The following RIPOR2 variants were observed in gnomAD, a reference collection of about 807,000 sequenced individuals.
The protein encoded by RIPOR2 is rho family-interacting cell polarization regulator 2.
In RIPOR2, 39 loss-of-function variants were observed where a neutral mutation model predicts 114.5. That is an observed-to-expected ratio of 0.34 (90% confidence interval 0.26 to 0.44). The LOEUF (loss-of-function observed/expected upper bound fraction) is 0.44, where lower values mean the gene tolerates loss of function less well. Among genes scored for constraint, RIPOR2 ranks in the 20% least tolerant of loss-of-function variants. The pLI is 1.00. For synonymous variants in RIPOR2, 445 were observed against 484.4 expected (o/e 0.92, Z 1.07); for missense variants, 1,007 against 1,255.1 (o/e 0.80, Z 2.99).
At chr6:24,998,112 A>G (rs1334732589) in intron 1 of RIPOR2, among the ~76,000 whole-genome samples, 1 of 152,156 alleles carries the variant, frequency 6.6e-6, no homozygotes, top group African/African-American at 2.4e-5. Context: ...GATGTAAATT[A>G]GCCCACACTC....
chr6:24,925,723 C>A (rs1770820261), intron 1 of RIPOR2, among the ~76,000 whole-genome samples: 4 of 151,826 alleles, frequency 2.6e-5, no homozygotes, highest in African/African-American at 9.7e-5. Flanking sequence ...AAATTTGGTT[C>A]ATCCATTCTT....
At chr6:24,894,347 T>A (rs1184115301) in intron 1 of RIPOR2, among the ~76,000 whole-genome samples, 1 of 152,196 alleles carries the variant, frequency 6.6e-6, no homozygotes, top group Non-Finnish European at 1.5e-5. Flanking sequence ...GGGAAATTCA[T>A]CTGTATTCTG....
intron 18 of RIPOR2, among the ~76,000 whole-genome samples, chr6:24,827,236 T>C (rs1760271571): frequency 6.6e-6 from 1 of 152,204 alleles, no homozygotes; most frequent in African/African-American, 2.4e-5. Flanking sequence ...GTCTGCCTTG[T>C]AAGGGGTTAT....
intron 1 of RIPOR2, among the ~76,000 whole-genome samples, chr6:25,022,502 G>T (rs556952307): frequency 1.3e-4 from 16 of 125,504 alleles, no homozygotes; most frequent in African/African-American, 4.6e-4. Context: ...TCTTTTTAAC[G>T]TAACACATAT....
chr6:25,030,281 A>G (rs889301279), intron 1 of RIPOR2, among the ~76,000 whole-genome samples: 1 of 152,148 alleles, frequency 6.6e-6, no homozygotes, highest in African/African-American at 2.4e-5. Context: ...CTGATTGAAT[A>G]AACTGTCCCT....
intron 1 of RIPOR2, among the ~76,000 whole-genome samples, chr6:24,979,303 T>C (rs1174957742): frequency 7.5e-6 from 1 of 133,250 alleles, no homozygotes; most frequent in Non-Finnish European, 1.6e-5. Context: ...TTTTTTTTTT[T>C]TTGCTGTTTC....
chr6:24,877,588 A>G (rs1302262904), intron 1 of RIPOR2, among the ~76,000 whole-genome samples: 1 of 152,228 alleles, frequency 6.6e-6, no homozygotes, highest in Non-Finnish European at 1.5e-5. Flanking sequence ...ACTTCTCCCC[A>G]GCCTCAAGGC....
At chr6:25,027,917 T>A (rs1033433235) in intron 1 of RIPOR2, among the ~76,000 whole-genome samples, 1 of 152,158 alleles carries the variant, frequency 6.6e-6, no homozygotes, top group Non-Finnish European at 1.5e-5. Flanking sequence ...CCATCCTTCT[T>A]GGCTGGGCTC....
At chr6:24,892,744 T>TG (rs992866600) in intron 1 of RIPOR2, among the ~76,000 whole-genome samples, 1 of 151,996 alleles carries the variant, frequency 6.6e-6, no homozygotes, top group African/African-American at 2.4e-5. Context: ...AATTTATTCG[T>TG]GGGAAAAAAT....
At chr6:24,926,354 G>T (rs1268062785) in intron 1 of RIPOR2, among the ~76,000 whole-genome samples, 2 of 152,164 alleles carry the variant, frequency 1.3e-5, no homozygotes, top group East Asian at 3.8e-4. Flanking sequence ...GAGGCAAGGG[G>T]CCCCTCTACA....
chr6:24,823,225 G>C (rs1257968989), intron 19 of RIPOR2, among the ~76,000 whole-genome samples: 1 of 152,188 alleles, frequency 6.6e-6, no homozygotes, highest in Non-Finnish European at 1.5e-5. Context: ...TTTGCATCTA[G>C]TTTTAAGAAC....
intron 1 of RIPOR2, chr6:25,023,388 G>A: frequency 1.3e-6 from 1 of 777,474 alleles, no homozygotes; most frequent in Non-Finnish European, 2.4e-6. Flanking sequence ...TCGTTGTAGG[G>A]AGAGAGTGGG....
At chr6:24,823,972 G>T (rs1297918499) in intron 19 of RIPOR2, among the ~76,000 whole-genome samples, 3 of 152,114 alleles carry the variant, frequency 2.0e-5, no homozygotes, top group Non-Finnish European at 4.4e-5. Context: ...GGCCAGGCTG[G>T]TCTCAAACTC....
chr6:25,012,232 G>A (rs1775803339), intron 1 of RIPOR2, among the ~76,000 whole-genome samples: 1 of 152,208 alleles, frequency 6.6e-6, no homozygotes. Context: ...AATAACATAT[G>A]TTCTTGAGAA....
chr6:24,900,929 C>T (rs1017293328), intron 1 of RIPOR2, among the ~76,000 whole-genome samples: 1 of 152,176 alleles, frequency 6.6e-6, no homozygotes, highest in African/African-American at 2.4e-5. Context: ...ATCTTCCCAC[C>T]TCAGCCTCTG....
At chr6:24,995,365 A>C (rs1482408457) in intron 1 of RIPOR2, among the ~76,000 whole-genome samples, 1 of 152,184 alleles carries the variant, frequency 6.6e-6, no homozygotes, top group Non-Finnish European at 1.5e-5. Context: ...TCCCAGAGGG[A>C]AGCCATTTGG....
intron 1 of RIPOR2, chr6:25,023,336 A>T: frequency 1.3e-6 from 1 of 790,544 alleles, no homozygotes; most frequent in Non-Finnish European, 2.3e-6. Flanking sequence ...GGTGGCATCA[A>T]TTGGCTCATA....
At chr6:24,912,467 CTT>C (rs67861863) in intron 1 of RIPOR2, among the ~76,000 whole-genome samples, 36,337 of 110,106 alleles carry the variant, frequency 0.33, 4,482 homozygotes, top group African/African-American at 0.47. Context: ...TGCCCCCCCC[CTT>C]TTTTTTTTGC....
At chr6:24,842,076 A>G (rs1024169810) in intron 13 of RIPOR2, among the ~76,000 whole-genome samples, 5 of 152,248 alleles carry the variant, frequency 3.3e-5, no homozygotes, top group African/African-American at 1.2e-4. Context: ...ATATGACAAT[A>G]TAAATCAGAG....
Sources: gnomAD v4.1 joint callset for allele counts (sites outside exome capture counted in the v4.1 genomes callset) on GRCh38, gnomAD v4.1.1 for gene constraint, MANE v1.5 for transcripts, NCBI Gene and HGNC (gene_info 2026-07-23, HGNC 2026-07-21) for gene names.